Variants in CAST observed in about 807,000 individuals in gnomAD.
The protein encoded by CAST is MIR583 host.
Under a neutral mutation model 119.6 loss-of-function variants are expected in CAST, and 76 were observed. The ratio of observed to expected loss-of-function variants is 0.64; its 90% CI spans 0.53 to 0.77. The LOEUF is 0.77. Among genes scored for constraint, CAST ranks in the 30% least tolerant of loss-of-function variants. The pLI is 0.00. For missense variants in CAST, 953 were observed against 946.5 expected, an observed-to-expected ratio of 1.01 and a Z score of -0.09; for synonymous variants, 319 against 331.6, an observed-to-expected ratio of 0.96 and a Z score of 0.41.
the CAST span, among the ~76,000 whole-genome samples, chr5:96,410,200 G>A: frequency 1.1e-3 from 169 of 152,204 alleles, no homozygotes; most frequent in African/African-American, 3.7e-3. Context: ...AAGCAAAGGC[G>A]CAGGCAAGCG....
the CAST span, among the ~76,000 whole-genome samples, chr5:96,174,734 A>C: frequency 2.0e-5 from 3 of 152,232 alleles, no homozygotes; most frequent in Non-Finnish European, 2.9e-5. Context: ...AACCAATCAA[A>C]ATAAGTAAAA....
At chr5:95,986,956 G>C in the CAST span, among the ~76,000 whole-genome samples, 1 of 152,182 alleles carries the variant, frequency 6.6e-6, no homozygotes, top group Non-Finnish European at 1.5e-5. Flanking sequence ...TGGAGTGGCA[G>C]AAAGGAGATG....
the CAST span, among the ~76,000 whole-genome samples, chr5:96,103,871 T>C: frequency 6.6e-6 from 1 of 151,462 alleles, no homozygotes; most frequent in East Asian, 1.9e-4. Context: ...TGTTGTTTCC[T>C]GACTTTTTAA....
chr5:96,417,545 T>G, the CAST span, among the ~76,000 whole-genome samples: 1 of 151,850 alleles, frequency 6.6e-6, no homozygotes. Flanking sequence ...ATGTGAGTCA[T>G]ATGGGTCTTG....
At chr5:96,408,900 G>A in the CAST span, among the ~76,000 whole-genome samples, 2 of 152,198 alleles carry the variant, frequency 1.3e-5, no homozygotes, top group Admixed American at 1.3e-4. Flanking sequence ...TGAGGAAAAC[G>A]ATGGGTCTTT....
At chr5:96,067,495 G>A in the CAST span, among the ~76,000 whole-genome samples, 1 of 152,134 alleles carries the variant, frequency 6.6e-6, no homozygotes, top group Non-Finnish European at 1.5e-5. Flanking sequence ...GGTCTTAATT[G>A]CTTTCGAAGT....
the CAST span, among the ~76,000 whole-genome samples, chr5:96,230,257 A>G: frequency 3.9e-5 from 6 of 152,156 alleles, no homozygotes; most frequent in Non-Finnish European, 8.8e-5. Context: ...AGGCAGAGGC[A>G]CAAAGTCTTC....
chr5:96,301,742 G>T, the CAST span, among the ~76,000 whole-genome samples: 1 of 152,188 alleles, frequency 6.6e-6, no homozygotes, highest in African/African-American at 2.4e-5. Flanking sequence ...CTGATGCAAG[G>T]GGTGGGCTCG....
chr5:96,763,534 T>C (rs1350097755), intron 25 of CAST, among the ~76,000 whole-genome samples: 2 of 152,182 alleles, frequency 1.3e-5, no homozygotes, highest in Non-Finnish European at 1.5e-5. Flanking sequence ...TCAAAAACTT[T>C]TTTGCCTTTA....
At chr5:96,666,993 T>A (rs1267341169) in intron 1 of CAST, among the ~76,000 whole-genome samples, 2 of 152,152 alleles carry the variant, frequency 1.3e-5, no homozygotes, top group Non-Finnish European at 2.9e-5. Context: ...GTTCTTTGAG[T>A]TGTCTCATTT....
chr5:96,347,584 C>T, the CAST span, among the ~76,000 whole-genome samples: 4 of 152,084 alleles, frequency 2.6e-5, no homozygotes, highest in Admixed American at 6.6e-5. Context: ...TTATACAGAA[C>T]CATTTTGGCA....
chr5:96,607,948 T>G (rs926774401), intron 1 of CAST, among the ~76,000 whole-genome samples: 3 of 152,178 alleles, frequency 2.0e-5, no homozygotes, highest in African/African-American at 7.2e-5. Flanking sequence ...CATTTATCAT[T>G]TCTTTGTGGT....
chr5:96,737,724 G>A lies in CAST; in HGVS notation c.700-125G>A, dbSNP rs563448496. 4.2e-5 allele frequency: 24 copies of A among 573,228 alleles called. No individual in the cohort carries two copies. In the African/African-American group the frequency reaches 4.4e-4, roughly 11 times the overall value. The allele number at this position is 573,228 out of a possible 1,614,324, so 35.5% of individuals were successfully genotyped here. ...AAAGACCAGATTTTAACTATTTTGG[G>A]GAACTATTTGAAGAACTTTTGGTGT... On this transcript the variant is annotated intron_variant, in intron 10 of 31. Coordinates refer to ENST00000675179, the MANE Select transcript of CAST (RefSeq NM_001750.7).
At chr5:96,544,061 A>G (rs1426764903) in intron 1 of CAST, among the ~76,000 whole-genome samples, 1 of 152,122 alleles carries the variant, frequency 6.6e-6, no homozygotes, top group Non-Finnish European at 1.5e-5. Flanking sequence ...TTGCCTTTCC[A>G]TATAAACTTT....
chr5:96,721,095 G>A (rs1422454881), intron 3 of CAST, among the ~76,000 whole-genome samples: 1 of 152,056 alleles, frequency 6.6e-6, no homozygotes, highest in Non-Finnish European at 1.5e-5. Flanking sequence ...TTGATAGAGG[G>A]AAAATCTGTC....
chr5:96,712,335 CT>C (rs1561507142), intron 3 of CAST, among the ~76,000 whole-genome samples: 1 of 151,810 alleles, frequency 6.6e-6, no homozygotes, highest in African/African-American at 2.4e-5. Flanking sequence ...CTTTTCTTTT[CT>C]TTTTTGAAAC....
chr5:96,228,669 G>A, the CAST span, among the ~76,000 whole-genome samples: 1 of 152,146 alleles, frequency 6.6e-6, no homozygotes, highest in African/African-American at 2.4e-5. Flanking sequence ...TTTTCATATT[G>A]AAAGCCTTGA....
the CAST span, among the ~76,000 whole-genome samples, chr5:96,465,525 C>A: frequency 6.6e-6 from 1 of 151,946 alleles, no homozygotes; most frequent in Admixed American, 6.6e-5. Context: ...TTTTAGCTTT[C>A]TTTTCATTAA....
the CAST span, chr5:95,961,820 G>A: frequency 7.1e-7 from 1 of 1,416,244 alleles, no homozygotes; most frequent in East Asian, 2.7e-5. Context: ...CACTGCTAGG[G>A]CCATCCCGCT....
Sources: gnomAD v4.1 joint callset for allele counts (sites outside exome capture counted in the v4.1 genomes callset) on GRCh38, gnomAD v4.1.1 for gene constraint, MANE v1.5 for transcripts, NCBI Gene and HGNC (gene_info 2026-07-23, HGNC 2026-07-21) for gene names.